The following MSH4 variants were observed in gnomAD, a reference collection of about 807,000 sequenced individuals.
MSH4 encodes the protein mutS protein homolog 4.
In MSH4, 106 loss-of-function variants were observed where a neutral mutation model predicts 113.7. The ratio of observed to expected loss-of-function variants is 0.93; its 90% CI spans 0.80 to 1.10. The LOEUF (loss-of-function observed/expected upper bound fraction) is 1.10. Ranked by LOEUF, MSH4 falls within the 50% of genes least tolerant of loss-of-function variation. MSH4 has a pLI of 0.00. For synonymous variants in MSH4, 368 were observed against 380.2 expected, an observed-to-expected ratio of 0.97 and a Z score of 0.37; for missense variants, 1,061 against 1,093.7, an observed-to-expected ratio of 0.97 and a Z score of 0.42.
At position 75,830,247 on chromosome 1, in the gene MSH4, T is replaced by TA. The variant is rs907339268; in HGVS notation, c.1162+7674dup. On this transcript the variant is annotated intron_variant, in intron 7 of 19. Transcript: ENST00000263187. Reference sequence around the variant, plus strand: ...AAAGACAAGTTTAGAGAAAAAAGGGTAAAAAAAACCGAACAAAGCCTACAA... The same window carrying TA: ...AAAGACAAGTTTAGAGAAAAAAGGGTAAAAAAAAACCGAACAAAGCCTACAA... 9.8e-4 allele frequency among the ~76,000 whole-genome samples: 148 copies of TA among 151,160 alleles called. 1 individual carries two copies. The highest frequency in any genetic ancestry group is 3.5e-3 in the African/African-American group (144 of 41,166).
At chr1:75,797,314 C>G in intron 1 of MSH4, 85 bp downstream of exon 1, 1 of 1,483,210 alleles carries the variant, frequency 6.7e-7, no homozygotes, top group Non-Finnish European at 9.0e-7. Context: ...GTGGTGGTTA[C>G]CACAGTGAAG....
chr1:75,848,019 A>G (rs1410341347), intron 7 of MSH4, among the ~76,000 whole-genome samples, 190 bp from the exon 8 acceptor site: 3 of 152,224 alleles, frequency 2.0e-5, no homozygotes, highest in African/African-American at 7.2e-5. Context: ...AGATTGAGTA[A>G]TCAAAATTAA....
At chr1:75,891,920 T>C (rs1401835351) in intron 17 of MSH4, among the ~76,000 whole-genome samples, 1 of 152,208 alleles carries the variant, frequency 6.6e-6, no homozygotes, top group African/African-American at 2.4e-5. Context: ...TAAAAGCTAA[T>C]TAGTGCCTCT....
At chr1:75,886,947 C>G (rs1164964327) in intron 15 of MSH4, among the ~76,000 whole-genome samples, 3 of 150,400 alleles carry the variant, frequency 2.0e-5, no homozygotes, top group African/African-American at 7.3e-5. Flanking sequence ...AGGGCAGGAC[C>G]CATGTCTGTT....
intron 15 of MSH4, among the ~76,000 whole-genome samples, chr1:75,885,463 A>ATATG (rs1553138237): frequency 5.9e-5 from 4 of 67,232 alleles, no homozygotes; most frequent in South Asian, 3.1e-4. Context: ...ATATATATGT[A>ATATG]TATATACACA....
chr1:75,903,984 A>G (rs1652565647), intron 19 of MSH4, among the ~76,000 whole-genome samples: 1 of 152,038 alleles, frequency 6.6e-6, no homozygotes, highest in Non-Finnish European at 1.5e-5. Context: ...CTCCCATAGT[A>G]TTATTTAGTT....
chr1:75,850,912 C>A (rs1404430888), intron 8 of MSH4, among the ~76,000 whole-genome samples: 1 of 152,014 alleles, frequency 6.6e-6, no homozygotes, highest in African/African-American at 2.4e-5. Flanking sequence ...ATAAATTGAG[C>A]CTGTTGTCAT....
At chr1:75,893,748 T>C (rs1415480642) in intron 17 of MSH4, among the ~76,000 whole-genome samples, 2 of 152,216 alleles carry the variant, frequency 1.3e-5, no homozygotes, top group Non-Finnish European at 2.9e-5. Flanking sequence ...GGAACATGCA[T>C]GGGAATGTAT....
chr1:75,804,663 A>G (rs1024655753), intron 2 of MSH4, among the ~76,000 whole-genome samples: 2 of 151,376 alleles, frequency 1.3e-5, no homozygotes, highest in South Asian at 2.1e-4. Flanking sequence ...GGTGCTTGCT[A>G]CCACGCCCGG....
intron 7 of MSH4, among the ~76,000 whole-genome samples, chr1:75,826,434 G>A (rs1650555338): frequency 1.3e-5 from 2 of 152,032 alleles, no homozygotes; most frequent in African/African-American, 2.4e-5. Context: ...TGGAGTTTTC[G>A]AAGGGTTTTT....
In MSH4 at chr1:75,796,996, C is replaced by T; in HGVS notation, c.11C>T (p.Pro4Leu). The change falls in exon 1 of 20, where the codon CCT (proline) becomes CTT (leucine). Residue 4 changes from proline to leucine, a missense_variant. Transcript: ENST00000263187. MLRPEISSTSPSAP... is the reference protein window; with the variant it reads MLRLEISSTSPSAP... Reference sequence around the variant, plus strand: ...GGAAGGTTTGGGAGGATGCTGAGGCCTGAGATCTCATCAACCTCGCCTTCT... The same window carrying T: ...GGAAGGTTTGGGAGGATGCTGAGGCTTGAGATCTCATCAACCTCGCCTTCT... 1.2e-6 allele frequency: 2 copies of T among 1,614,080 alleles called. No individual in the cohort carries two copies. The highest frequency in any genetic ancestry group is 1.7e-6 in the Non-Finnish European group (2 of 1,180,046).
In MSH4 at chr1:75,816,561, T is replaced by C; in HGVS notation, c.989+15T>C. 6.9e-7 allele frequency: 1 copy of C among 1,447,432 alleles called. No homozygotes were observed. The highest frequency in any genetic ancestry group is 9.4e-7 in the Non-Finnish European group (1 of 1,066,528). The allele number at this position is 1,447,432 out of a possible 1,614,324, so 89.7% of individuals were successfully genotyped here. A position where few individuals can be genotyped will look rare whatever the true frequency, so the allele number is the denominator to read the frequency against. On this transcript the variant is annotated intron_variant, in intron 6 of 19. Coordinates refer to ENST00000263187, the MANE Select transcript of MSH4 (RefSeq NM_002440.4). ...CAAGACTATAGGTAAGATCATCCAT[T>C]TTATTTGTATAAAATATATCGGTAT...
intron 8 of MSH4, among the ~76,000 whole-genome samples, chr1:75,865,408 A>G (rs958771450): frequency 2.6e-5 from 4 of 152,302 alleles, no homozygotes; most frequent in South Asian, 4.1e-4. Context: ...ATTTATGAAG[A>G]TGATTGAATG....
chr1:75,879,499 A>G (rs1235167714), intron 12 of MSH4, among the ~76,000 whole-genome samples: 1 of 152,196 alleles, frequency 6.6e-6, no homozygotes, highest in Non-Finnish European at 1.5e-5. Context: ...ATATTTCCAA[A>G]CCTTTGTACC....
intron 19 of MSH4, among the ~76,000 whole-genome samples, chr1:75,906,497 A>ATATATACATAT (rs1652643948): frequency 1.1e-3 from 2 of 1,852 alleles, no homozygotes; most frequent in Non-Finnish European, 5.8e-3. Flanking sequence ...ATTATATATT[A>ATATATACATAT]TATATATATA....
intron 19 of MSH4, among the ~76,000 whole-genome samples, chr1:75,912,495 G>A (rs753173898): frequency 6.6e-6 from 1 of 151,924 alleles, no homozygotes; most frequent in Non-Finnish European, 1.5e-5. Flanking sequence ...AATAAATTAT[G>A]TTCTTTCAAA....
At chr1:75,850,216 T>A (rs549005891) in intron 8 of MSH4, among the ~76,000 whole-genome samples, 1 of 152,226 alleles carries the variant, frequency 6.6e-6, no homozygotes, top group African/African-American at 2.4e-5. Context: ...CCTACTGTTC[T>A]TTTTTGAGGT....
chr1:75,820,648 GTGGGATCAGT>G (rs1650389545), intron 6 of MSH4, among the ~76,000 whole-genome samples: 1 of 152,120 alleles, frequency 6.6e-6, no homozygotes, highest in Non-Finnish European at 1.5e-5. Flanking sequence ...TTGTATTTCT[GTGGGATCAGT>G]GGTGATATCC....
intron 17 of MSH4, among the ~76,000 whole-genome samples, chr1:75,896,344 AC>A (rs1652379836): frequency 1.1e-5 from 1 of 94,724 alleles, no homozygotes; most frequent in South Asian, 4.0e-4. Flanking sequence ...TTACACACAT[AC>A]AACACACACA....
Sources: gnomAD v4.1 joint callset for allele counts (sites outside exome capture counted in the v4.1 genomes callset) on GRCh38, gnomAD v4.1.1 for gene constraint, MANE v1.5 for transcripts, NCBI Gene and HGNC (gene_info 2026-07-23, HGNC 2026-07-21) for gene names.